BCL11B: variants seen among roughly 807,000 people sequenced by gnomAD.
The protein encoded by BCL11B is B-cell lymphoma/leukemia 11B.
A neutral mutation model predicts 49.9 loss-of-function variants in BCL11B; 8 were observed. The observed-to-expected ratio is 0.16, with a 90% CI of 0.09 to 0.29. The LOEUF is 0.29. BCL11B is among the 10% of genes least tolerant of loss of function. The pLI, the probability that BCL11B is intolerant of heterozygous loss-of-function variation, is 1.00. For synonymous variants in BCL11B, 739 were observed against 637.4 expected (o/e 1.16, Z -2.40); for missense variants, 1,006 against 1,351.0 (o/e 0.74, Z 4.00).
intron 1 of BCL11B, among the ~76,000 whole-genome samples, chr14:99,261,453 G>C (rs1377085988): frequency 3.3e-5 from 5 of 152,142 alleles, no homozygotes; most frequent in Non-Finnish European, 7.4e-5. Context: ...GCTCTGCACA[G>C]CCTCAGAGAG....
chr14:99,211,648 G>A (rs894097342), intron 3 of BCL11B, among the ~76,000 whole-genome samples: 9 of 151,438 alleles, frequency 5.9e-5, no homozygotes, highest in Non-Finnish European at 1.2e-4. Context: ...CCTCCACCTG[G>A]TTCCTCGAGT....
Position 99,175,705 on chromosome 14 carries a change from C to T in BCL11B, c.1131G>A (p.Pro377=), listed in dbSNP as rs754605021. 15 of 1,500,828 alleles carry T rather than the reference C, an allele frequency of 1.0e-5. No homozygotes were observed. The highest frequency in any genetic ancestry group is 2.4e-5 in the Admixed American group (1 of 41,976). 93.0% of individuals were successfully genotyped at this position (1,500,828 alleles called of 1,614,324 possible). A position where few individuals can be genotyped will look rare whatever the true frequency, so the allele number is the denominator to read the frequency against. Residue 377 remains proline, a synonymous_variant, in exon 4 of 4, where the codon CCG becomes CCA. Coordinates refer to ENST00000357195, the MANE Select transcript of BCL11B (RefSeq NM_138576.4). The part of the protein sequence containing the change: ...LRELAGNSST[P]PPVSPGRGNP... ...TGCCGCGGCCCGGGGACACGGGCGG[C>T]GGCGTGGAGCTGTTGCCCGCCAGCT...
In BCL11B at chr14:99,231,210, C is replaced by G; in HGVS notation, c.640+135G>C. On this transcript the variant is annotated intron_variant, in intron 3 of 3. Transcript: ENST00000357195. The surrounding 1 kb of genome is among the most constrained non-coding windows in gnomAD (Gnocchi z 8.1). ...ATAGTTCAGCGAACATTCTTTACCA[C>G]TTCCCCTGGCACCCCAAAAAGCCTT... The G allele has an allele frequency of 1.0e-6, 1 of 976,590 alleles. No individual in the cohort carries two copies. Among genetic ancestry groups the G allele is most frequent in the Non-Finnish European group, 1.5e-6 (1 of 670,752 alleles). 60.5% of individuals were successfully genotyped at this position (976,590 alleles called of 1,614,324 possible). A position where few individuals can be genotyped will look rare whatever the true frequency, so the allele number is the denominator to read the frequency against.
Position 99,205,070 on chromosome 14 carries a change from C to A in BCL11B, c.640+26275G>T, listed in dbSNP as rs1887495074. Among the ~76,000 whole-genome samples the A allele has an allele frequency of 6.6e-6, 1 of 151,954 alleles. No homozygotes were observed. The highest frequency in any genetic ancestry group is 6.5e-5 in the Admixed American group (1 of 15,282). The stretch of plus-strand genomic sequence containing the variant: ...CCTGTGGGCAGGTGTTCAGGGGATG[C>A]CCCTCCAGTTACATTACTTTGAAAG... On this transcript the variant is annotated intron_variant, in intron 3 of 3. Transcript: ENST00000357195. This position sits in a 1 kb window ranked among gnomAD's most constrained non-coding sequence, Gnocchi z 5.0.
At chr14:99,191,720 CAA>C (rs571396643) in intron 3 of BCL11B, among the ~76,000 whole-genome samples, 22 of 142,354 alleles carry the variant, frequency 1.5e-4, no homozygotes, top group Admixed American at 2.1e-4. Flanking sequence ...AGCCCTCCAC[CAA>C]AAAAAAAAAA....
intron 3 of BCL11B, among the ~76,000 whole-genome samples, chr14:99,208,573 C>T (rs916219157): frequency 2.6e-5 from 4 of 152,320 alleles, no homozygotes; most frequent in Admixed American, 6.5e-5. Context: ...AGACCGAGCA[C>T]GGGGCTGCAC....
chr14:99,247,400 C>T lies in BCL11B; in HGVS notation c.427+10071G>A, dbSNP rs778880574. On this transcript the variant is annotated intron_variant, in intron 2 of 3. Coordinates refer to ENST00000357195, the MANE Select transcript of BCL11B (RefSeq NM_138576.4). This position sits in a 1 kb window ranked among gnomAD's most constrained non-coding sequence, Gnocchi z 4.5. ...TTTACCAACTCCAACAGTTTTTAGC[C>T]AGCTGCTGAAGGTGGCAGGGAGTCA... Among the ~76,000 whole-genome samples the T allele has an allele frequency of 6.6e-6, 1 of 152,164 alleles. No homozygotes were observed. The highest frequency in any genetic ancestry group is 1.5e-5 in the Non-Finnish European group (1 of 68,036).
At chr14:99,223,492 G>A (rs1478583010) in intron 3 of BCL11B, among the ~76,000 whole-genome samples, 3 of 152,138 alleles carry the variant, frequency 2.0e-5, no homozygotes, top group Non-Finnish European at 4.4e-5. Context: ...CATGGGGGTC[G>A]GGAGCATTTT....
At chr14:99,230,512 G>T (rs1420912030) in intron 3 of BCL11B, among the ~76,000 whole-genome samples, 1 of 152,144 alleles carries the variant, frequency 6.6e-6, no homozygotes, top group Non-Finnish European at 1.5e-5. Flanking sequence ...ATGCCGGGGG[G>T]ACAGACTTGT....
At chr14:99,225,830 A>T (rs1449107668) in intron 3 of BCL11B, among the ~76,000 whole-genome samples, 2 of 152,154 alleles carry the variant, frequency 1.3e-5, no homozygotes, top group African/African-American at 4.8e-5. Flanking sequence ...AGCGATCTCC[A>T]CTCAGGGATT....
chr14:99,188,506 T>C (rs1396315046), intron 3 of BCL11B, among the ~76,000 whole-genome samples: 2 of 144,574 alleles, frequency 1.4e-5, no homozygotes, highest in East Asian at 4.2e-4. Flanking sequence ...TCCTTCGATA[T>C]GCAGAATACA....
chr14:99,196,236 A>G (rs903269288), intron 3 of BCL11B, among the ~76,000 whole-genome samples: 2 of 152,138 alleles, frequency 1.3e-5, no homozygotes, highest in Non-Finnish European at 2.9e-5. Flanking sequence ...CAGGGAACAC[A>G]TGACAGATGA....
chr14:99,232,158 C>T lies in BCL11B; in HGVS notation c.428-601G>A, dbSNP rs114838267. On this transcript the variant is annotated intron_variant, in intron 2 of 3. Transcript: ENST00000357195. This position sits in a 1 kb window ranked among gnomAD's most constrained non-coding sequence, Gnocchi z 5.1. Reference sequence around the variant, plus strand: ...AGCACTGAGCGTGCTGCACCCAAAACGCAATGCCCTTCAGAAGGCTTTCAC... The same window carrying T: ...AGCACTGAGCGTGCTGCACCCAAAATGCAATGCCCTTCAGAAGGCTTTCAC... Among the ~76,000 whole-genome samples the T allele has an allele frequency of 0.011, 1,623 of 152,238 alleles. 35 individuals carry two copies. The highest frequency in any genetic ancestry group is 0.037 in the African/African-American group (1,541 of 41,554).
chr14:99,222,190 G>T (rs192938832), intron 3 of BCL11B, among the ~76,000 whole-genome samples: 1 of 152,142 alleles, frequency 6.6e-6, no homozygotes, highest in East Asian at 1.9e-4. Flanking sequence ...CCCTCTCCCC[G>T]CACCATAAAA....
chr14:99,254,572 G>A (rs1889102290), intron 2 of BCL11B, among the ~76,000 whole-genome samples: 1 of 152,240 alleles, frequency 6.6e-6, no homozygotes, highest in Non-Finnish European at 1.5e-5. Flanking sequence ...CTCTGAGCCT[G>A]GACAGCCAAA....
chr14:99,241,536 G>A lies in BCL11B; in HGVS notation c.428-9979C>T, dbSNP rs542153937. ...GGCAGAAAAATTAAGTCTTGGGGCTGAGACGAAGGGAACCTGACTCAGCTC... is the reference window on the plus strand; with the variant it reads ...GGCAGAAAAATTAAGTCTTGGGGCTAAGACGAAGGGAACCTGACTCAGCTC... On this transcript the variant is annotated intron_variant, in intron 2 of 3. Transcript: ENST00000357195. The surrounding 1 kb of genome is among the most constrained non-coding windows in gnomAD (Gnocchi z 4.4). 6.6e-6 allele frequency among the ~76,000 whole-genome samples: 1 copy of A among 152,260 alleles called. No homozygotes were observed. The highest frequency in any genetic ancestry group is 2.1e-4 in the South Asian group (1 of 4,818).
chr14:99,231,624 G>T lies in BCL11B; in HGVS notation c.428-67C>A. 2.1e-6 allele frequency: 3 copies of T among 1,454,338 alleles called. No individual in the cohort carries two copies. Among genetic ancestry groups the T allele is most frequent in the Non-Finnish European group, 2.8e-6 (3 of 1,067,522 alleles). The allele number at this position is 1,454,338 out of a possible 1,614,324, so 90.1% of individuals were successfully genotyped here. ...GGACTGTGTGAGGGGCACGGGGTGG[G>T]ACGGGGCTCGGGGCGTGGGGCTCTG... On this transcript the variant is annotated intron_variant, in intron 2 of 3. Coordinates refer to ENST00000357195, the MANE Select transcript of BCL11B (RefSeq NM_138576.4). This position sits in a 1 kb window ranked among gnomAD's most constrained non-coding sequence, Gnocchi z 8.1.
In BCL11B at chr14:99,174,759, C is replaced by A; in HGVS notation, c.2077G>T (p.Asp693Tyr). Residue 693 changes from aspartate to tyrosine, a missense_variant, in exon 4 of 4, where the codon GAC becomes TAC. Around this residue, in one of 6 missense-constraint regions of BCL11B, gnomAD observed 443 missense variants for 499.7 expected, o/e 0.89. Coordinates refer to ENST00000357195, the MANE Select transcript of BCL11B (RefSeq NM_138576.4). ...SAAKRIKVEK[D>Y]LELPPAALIP... ...AGCGCGGCGGGCGGCAGCTCCAGGT[C>A]CTTCTCCACCTTGATGCGCTTGGCG... 1 of 1,500,612 alleles carries A rather than the reference C, an allele frequency of 6.7e-7. No homozygotes were observed. The allele number at this position is 1,500,612 out of a possible 1,614,324, so 93.0% of individuals were successfully genotyped here. A position where few individuals can be genotyped will look rare whatever the true frequency, so the allele number is the denominator to read the frequency against.
At chr14:99,244,088 A>G (rs1888752013) in intron 2 of BCL11B, among the ~76,000 whole-genome samples, 1 of 152,206 alleles carries the variant, frequency 6.6e-6, no homozygotes, top group Non-Finnish European at 1.5e-5. Context: ...GTTCTCCTCG[A>G]GGAAGATCCT....
Sources: allele counts gnomAD v4.1 joint callset (sites outside exome capture counted in the v4.1 genomes callset), GRCh38; gene constraint gnomAD v4.1.1; regional missense constraint gnomAD v4.1.1; non-coding constraint Gnocchi (gnomAD v3.1); transcripts MANE v1.5; gene names NCBI Gene and HGNC (gene_info 2026-07-23, HGNC 2026-07-21).